Variants in TTLL4 observed in about 807,000 individuals in gnomAD.
The protein encoded by TTLL4 is tubulin tyrosine ligase like 4, also known as tubulin monoglutamylase TTLL4.
A neutral mutation model predicts 122.7 loss-of-function variants in TTLL4; 85 were observed. That is an observed-to-expected ratio of 0.69 (90% CI 0.58 to 0.83). The LOEUF (loss-of-function observed/expected upper bound fraction) is 0.83. Among genes scored for constraint, TTLL4 ranks in the 40% least tolerant of loss-of-function variants. TTLL4 has a pLI of 0.00. For missense variants in TTLL4, 1,363 were observed against 1,488.6 expected, an observed-to-expected ratio of 0.92 and a Z score of 1.39; for synonymous variants, 553 against 563.0, an observed-to-expected ratio of 0.98 and a Z score of 0.25.
At chr2:218,726,054 T>C (rs1048826565) in intron 1 of TTLL4, among the ~76,000 whole-genome samples, 5 of 152,228 alleles carry the variant, frequency 3.3e-5, no homozygotes, top group East Asian at 1.9e-4. Context: ...AATTTTTTTT[T>C]CCCCTTCAAA....
intron 1 of TTLL4, among the ~76,000 whole-genome samples, chr2:218,724,662 T>C (rs1332165139): frequency 6.6e-6 from 1 of 152,152 alleles, no homozygotes; most frequent in African/African-American, 2.4e-5. Context: ...ACATTTCCTT[T>C]ATTCATAGTC....
At position 218,754,127 on chromosome 2, in the gene TTLL4, C is replaced by T. The variant is rs1459806847; in HGVS notation, c.3345-7C>T. 3.7e-6 allele frequency: 6 copies of T among 1,614,020 alleles called. No individual in the cohort carries two copies. The highest frequency in any genetic ancestry group is 1.3e-5 in the African/African-American group (1 of 74,992). ...CAGTCATTTCTTTCACCACCTATTC[C>T]CTCCAGAAAACAAAGCTCCTGTGAG... On this transcript the variant is annotated splice_region_variant and splice_polypyrimidine_tract_variant and intron_variant, in intron 19 of 19. Coordinates refer to ENST00000392102, the MANE Select transcript of TTLL4 (RefSeq NM_014640.5).
chr2:218,743,894 G>A (rs950459265), intron 5 of TTLL4, among the ~76,000 whole-genome samples: 1 of 152,096 alleles, frequency 6.6e-6, no homozygotes, highest in African/African-American at 2.4e-5. Context: ...GGTCAGGCTG[G>A]TCTCCAACTC....
At chr2:218,719,209 T>C (rs980238617) in intron 1 of TTLL4, among the ~76,000 whole-genome samples, 2 of 152,052 alleles carry the variant, frequency 1.3e-5, no homozygotes, top group Non-Finnish European at 2.9e-5. Flanking sequence ...TGGACCAGGG[T>C]TCTTCCCACC....
chr2:218,740,639 T>A (rs1942673653), intron 5 of TTLL4, 55 bp downstream of exon 5: 14 of 1,595,084 alleles, frequency 8.8e-6, no homozygotes, highest in Non-Finnish European at 1.2e-5. Context: ...CTCTTAAAGA[T>A]TATAAAGAGA....
intron 14 of TTLL4, 50 bp from the exon 15 acceptor site, chr2:218,749,959 G>C (rs1340932576): frequency 3.2e-5 from 52 of 1,600,640 alleles, no homozygotes; most frequent in Non-Finnish European, 4.3e-5. Flanking sequence ...TATGACCAGA[G>C]ACTGTTTCGG....
chr2:218,752,174 C>T (rs1027532319), intron 16 of TTLL4, among the ~76,000 whole-genome samples: 13 of 152,208 alleles, frequency 8.5e-5, no homozygotes, highest in Admixed American at 6.5e-5. Flanking sequence ...TCCCGAAGTG[C>T]TGGGATTACA....
At chr2:218,716,406 C>A (rs1310421130) in intron 1 of TTLL4, among the ~76,000 whole-genome samples, 1 of 152,116 alleles carries the variant, frequency 6.6e-6, no homozygotes. Flanking sequence ...CTGCATGCAG[C>A]ATAAATGTTT....
chr2:218,759,008 C>T (rs1269942510), downstream of TTLL4, among the ~76,000 whole-genome samples: 1 of 152,126 alleles, frequency 6.6e-6, no homozygotes, highest in East Asian at 1.9e-4. Flanking sequence ...CTTTGGGAGG[C>T]CAGGGCAGGT....
chr2:218,752,604 T>G (rs1575185231), intron 16 of TTLL4, among the ~76,000 whole-genome samples, 159 bp from the exon 17 acceptor site: 1 of 152,258 alleles, frequency 6.6e-6, no homozygotes, highest in East Asian at 1.9e-4. Flanking sequence ...GGAACAGATG[T>G]CTTTCAGAGC....
chr2:218,718,584 CT>C (rs1941938032), intron 1 of TTLL4, among the ~76,000 whole-genome samples: 1 of 152,046 alleles, frequency 6.6e-6, no homozygotes, highest in African/African-American at 2.4e-5. Context: ...CTCCATGTTG[CT>C]CAGGCTGGTT....
intron 6 of TTLL4, 175 bp downstream of exon 6, chr2:218,745,408 C>T (rs1211406101): frequency 3.7e-6 from 3 of 807,910 alleles, no homozygotes; most frequent in Non-Finnish European, 5.8e-6. Flanking sequence ...TTTTTCTTGT[C>T]TGTCCTTTAG....
intron 18 of TTLL4, 93 bp downstream of exon 18, chr2:218,753,278 C>T: frequency 7.5e-7 from 1 of 1,325,430 alleles, no homozygotes; most frequent in Non-Finnish European, 1.1e-6. Flanking sequence ...TATGTATAGG[C>T]CTCTCTCACT....
rs373788397 is a variant in TTLL4 at position 218,733,980 on chromosome 2, G to A, written c.-98-3599G>A. ...TGCTTTTAGGGACTTTCCACAAAGG[G>A]CCTTGGTATAAACATGGAGGAGTGT... On this transcript the variant is annotated intron_variant, in intron 2 of 19. Transcript: ENST00000392102. 3.0e-4 allele frequency among the ~76,000 whole-genome samples: 45 copies of A among 152,286 alleles called. No homozygotes were observed. The East Asian group carries it at 6.8e-3, about 23-fold the overall frequency.
chr2:218,725,483 T>C (rs950828413), intron 1 of TTLL4, among the ~76,000 whole-genome samples: 2 of 152,100 alleles, frequency 1.3e-5, no homozygotes, highest in African/African-American at 4.8e-5. Flanking sequence ...TAAAGAACCA[T>C]AAAAACATTC....
chr2:218,748,684 C>A, intron 12 of TTLL4, 152 bp from the exon 13 acceptor site: 6 of 455,234 alleles, frequency 1.3e-5, no homozygotes, highest in South Asian at 2.7e-5. Context: ...AAGAATTGGT[C>A]TATTTGCATC....
Position 218,750,147 on chromosome 2 carries a change from G to T in TTLL4, c.2873+1G>T. 6.2e-7 allele frequency: 1 copy of T among 1,613,492 alleles called. No homozygotes were observed. The highest frequency in any genetic ancestry group is 8.5e-7 in the Non-Finnish European group (1 of 1,179,768). On this transcript the variant is annotated splice_donor_variant, in intron 15 of 19. Transcript: ENST00000392102. LOFTEE classifies it high-confidence loss of function. ...GCAGCTGCAGCAGCTCCACCACCAGGTGAGGCCCCTATTTCTTCACAGCTC... is the reference window on the plus strand; with the variant it reads ...GCAGCTGCAGCAGCTCCACCACCAGTTGAGGCCCCTATTTCTTCACAGCTC...
At chr2:218,748,604 G>T in intron 12 of TTLL4, 1 of 442,554 alleles carries the variant, frequency 2.3e-6, no homozygotes, top group Non-Finnish European at 4.0e-6. Context: ...GCAGTGAGCT[G>T]AGATCGCGCC....
At position 218,738,767 on chromosome 2, in the gene TTLL4, T is replaced by A; in HGVS notation, c.1091T>A (p.Leu364Gln). ...QGCQLEQSSF[L>Q]NPSFQWNVLN... ...TGCCAGCTTGAACAGTCTAGTTTCC[T>A]GAACCCCAGCTTCCAGTGGAATGTC... Residue 364 changes from leucine (L) to glutamine (Q), a missense_variant, in exon 3 of 20, where the codon CTG becomes CAG. Physicochemically the swap from Leu to Gln is moderately radical, Grantham distance 113. Around this residue, in one of 3 missense-constraint regions of TTLL4, gnomAD observed 760 missense variants for 808.4 expected, o/e 0.94. Coordinates refer to ENST00000392102, the MANE Select transcript of TTLL4 (RefSeq NM_014640.5). 2 of 1,614,168 alleles carry A rather than the reference T, an allele frequency of 1.2e-6. No homozygotes were observed. The highest frequency in any genetic ancestry group is 1.7e-6 in the Non-Finnish European group (2 of 1,180,012).
Sources: allele counts gnomAD v4.1 joint callset (sites outside exome capture counted in the v4.1 genomes callset), GRCh38; gene constraint gnomAD v4.1.1; regional missense constraint gnomAD v4.1.1; transcripts MANE v1.5; gene names NCBI Gene and HGNC (gene_info 2026-07-23, HGNC 2026-07-21).